The following SH3GL3 variants were observed in gnomAD, a reference collection of about 807,000 sequenced individuals.
SH3GL3 encodes the protein endophilin-A3.
Under a neutral mutation model 47.7 loss-of-function variants are expected in SH3GL3, and 33 were observed. That is an observed-to-expected ratio of 0.69 (90% CI 0.52 to 0.92). The LOEUF (loss-of-function observed/expected upper bound fraction) is 0.92, where lower values mean the gene tolerates loss of function less well. Among genes scored for constraint, SH3GL3 ranks in the 40% least tolerant of loss-of-function variants. SH3GL3 has a pLI of 0.00. For synonymous variants in SH3GL3, 155 were observed against 148.8 expected, an observed-to-expected ratio of 1.04 and a Z score of -0.30; for missense variants, 363 against 417.8, an observed-to-expected ratio of 0.87 and a Z score of 1.14.
At chr15:83,587,797 A>G (rs974850756) in intron 7 of SH3GL3, among the ~76,000 whole-genome samples, 2 of 152,198 alleles carry the variant, frequency 1.3e-5, no homozygotes, top group Admixed American at 6.5e-5. Context: ...AACCCTGTTT[A>G]TTAAAATATT....
chr15:83,561,097 C>T (rs140142633), intron 2 of SH3GL3, among the ~76,000 whole-genome samples: 3 of 152,172 alleles, frequency 2.0e-5, no homozygotes, highest in Middle Eastern at 3.4e-3. Flanking sequence ...TCAATAGGCT[C>T]ATGGAGGATT....
intron 1 of SH3GL3, among the ~76,000 whole-genome samples, chr15:83,536,566 C>A (rs1567313813): frequency 1.3e-5 from 2 of 151,888 alleles, no homozygotes; most frequent in African/African-American, 4.8e-5. Flanking sequence ...CCATGCCCGG[C>A]TAATTTTTAT....
chr15:83,567,682 A>T (rs1432639743), intron 3 of SH3GL3, among the ~76,000 whole-genome samples: 1 of 152,084 alleles, frequency 6.6e-6, no homozygotes, highest in Non-Finnish European at 1.5e-5. Context: ...CATTAGGCTC[A>T]ATCAGTCCTT....
intron 1 of SH3GL3, among the ~76,000 whole-genome samples, chr15:83,499,313 C>T (rs1322927220): frequency 6.8e-6 from 1 of 146,686 alleles, no homozygotes; most frequent in Non-Finnish European, 1.5e-5. Flanking sequence ...AAATAACTTA[C>T]AAATTTTATA....
intron 1 of SH3GL3, among the ~76,000 whole-genome samples, chr15:83,478,013 G>A (rs1468752045): frequency 6.6e-6 from 1 of 152,070 alleles, no homozygotes; most frequent in Non-Finnish European, 1.5e-5. Context: ...GCCTCTTTGG[G>A]GACACTTTCA....
At chr15:83,483,673 T>TTCTGTGGGTC (rs376763867) in intron 1 of SH3GL3, among the ~76,000 whole-genome samples, 4 of 152,178 alleles carry the variant, frequency 2.6e-5, no homozygotes, top group African/African-American at 9.6e-5. Context: ...TTCCTTTTCT[T>TTCTGTGGGTC]TCTGTGGGTC....
intron 3 of SH3GL3, chr15:83,565,564 G>A (rs2011203206): frequency 5.1e-6 from 1 of 194,956 alleles, no homozygotes. Flanking sequence ...CTGCCCTTGT[G>A]TACTATATAC....
intron 8 of SH3GL3, among the ~76,000 whole-genome samples, chr15:83,615,281 AC>A (rs1326450303): frequency 2.0e-5 from 3 of 152,136 alleles, no homozygotes; most frequent in African/African-American, 7.2e-5. Flanking sequence ...AAGGGTAATG[AC>A]TATGAACTAG....
rs146148914 is a variant in SH3GL3 at position 83,610,731 on chromosome 15, G to A, written c.839-7351G>A. ...CAATTTCTCCATCCCTCACATTGGG[G>A]GAAATAGTGGTACCTACTCATAGGA... On this transcript the variant is annotated intron_variant, in intron 8 of 8. Transcript: ENST00000427482. Among the ~76,000 whole-genome samples the A allele has an allele frequency of 3.2e-3, 486 of 152,036 alleles. 3 individuals carry two copies. Among genetic ancestry groups the A allele is most frequent in the African/African-American group, 0.011 (459 of 41,434 alleles).
At position 83,568,650 on chromosome 15, in the gene SH3GL3, G is replaced by A. The variant is rs1256411292; in HGVS notation, c.309G>A (p.Glu103=). 8 of 1,613,756 alleles carry A rather than the reference G, an allele frequency of 5.0e-6. No homozygotes were observed. Among genetic ancestry groups the A allele is most frequent in the Non-Finnish European group, 5.9e-6 (7 of 1,179,814 alleles). The part of the protein sequence containing the change: ...LGDCMLKYGK[E]LGEDSTFGNA... ...ACTGTATGCTGAAATACGGGAAGGAGCTCGGGGAAGACTCCACCTTTGGTG... is the reference window on the plus strand; with the variant it reads ...ACTGTATGCTGAAATACGGGAAGGAACTCGGGGAAGACTCCACCTTTGGTG... The change falls in exon 4 of 9, where the codon GAG becomes GAA. Residue 103 remains glutamate (E), a synonymous_variant. Coordinates refer to ENST00000427482, the MANE Select transcript of SH3GL3 (RefSeq NM_003027.5).
the SH3GL3 span, among the ~76,000 whole-genome samples, chr15:83,625,353 A>T: frequency 1.3e-5 from 2 of 152,186 alleles, no homozygotes; most frequent in Non-Finnish European, 2.9e-5. Flanking sequence ...GTACCACTTT[A>T]TCACTCTGTC....
intron 1 of SH3GL3, among the ~76,000 whole-genome samples, chr15:83,558,612 T>C (rs1171776540): frequency 1.3e-5 from 2 of 152,132 alleles, no homozygotes; most frequent in Non-Finnish European, 2.9e-5. Flanking sequence ...CAGATAATTA[T>C]CTGCTACAAA....
intron 8 of SH3GL3, among the ~76,000 whole-genome samples, chr15:83,611,079 G>C (rs1320363374): frequency 6.6e-6 from 1 of 151,620 alleles, no homozygotes; most frequent in Non-Finnish European, 1.5e-5. Context: ...AGTTGGGGGA[G>C]GGGCACCGCA....
At chr15:83,497,219 G>T (rs143877928) in intron 1 of SH3GL3, among the ~76,000 whole-genome samples, 1 of 152,040 alleles carries the variant, frequency 6.6e-6, no homozygotes, top group Non-Finnish European at 1.5e-5. Context: ...TTGAAGACCC[G>T]TTACAGCCCC....
chr15:83,480,129 C>G (rs925573692), intron 1 of SH3GL3, among the ~76,000 whole-genome samples: 1 of 151,852 alleles, frequency 6.6e-6, no homozygotes, highest in African/African-American at 2.4e-5. Flanking sequence ...AGATTATTTC[C>G]CCAATTTTTA....
chr15:83,450,857 A>C (rs371016509), intron 1 of SH3GL3, among the ~76,000 whole-genome samples: 2 of 111,208 alleles, frequency 1.8e-5, no homozygotes, highest in South Asian at 3.3e-4. Flanking sequence ...CACATTGTGC[A>C]GGTTAGTTAC....
chr15:83,632,618 G>A, the SH3GL3 span, among the ~76,000 whole-genome samples: 3 of 152,232 alleles, frequency 2.0e-5, no homozygotes, highest in Non-Finnish European at 2.9e-5. Flanking sequence ...TCAAATGGTG[G>A]CAGGAAGGAG....
chr15:83,608,236 C>G, intron 8 of SH3GL3, among the ~76,000 whole-genome samples: 1 of 152,142 alleles, frequency 6.6e-6, no homozygotes, highest in East Asian at 1.9e-4. Context: ...TCTAGAAAGA[C>G]AGCAGTTCAT....
rs149097296 is a variant in SH3GL3 at position 83,571,410 on chromosome 15, C to T, written c.332-1155C>T. On this transcript the variant is annotated intron_variant, in intron 4 of 8. Transcript: ENST00000427482. ...GTCCACAGGCTAGGAAGGGACATTT[C>T]GTCTTCATTTAGGAATTATTTAGAC... 6.2e-4 allele frequency among the ~76,000 whole-genome samples: 95 copies of T among 152,244 alleles called. 1 individual carries two copies. Among genetic ancestry groups the T allele is most frequent in the Admixed American group, 1.6e-3 (25 of 15,294 alleles).
Sources: gnomAD v4.1 joint callset for allele counts (sites outside exome capture counted in the v4.1 genomes callset) on GRCh38, gnomAD v4.1.1 for gene constraint, MANE v1.5 for transcripts, NCBI Gene and HGNC (gene_info 2026-07-23, HGNC 2026-07-21) for gene names.